Variants in DDX60L observed in about 807,000 individuals in gnomAD.
DDX60L encodes probable ATP-dependent RNA helicase DDX60-like.
DDX60L carries 191 observed loss-of-function variants against 211.6 expected under a neutral mutation model. The observed-to-expected ratio is 0.90, with a 90% CI of 0.80 to 1.02. The LOEUF is 1.02. Ranked by LOEUF, DDX60L falls within the 50% of genes least tolerant of loss-of-function variation. The pLI is 0.00. For missense variants in DDX60L, 2,007 were observed against 1,984.1 expected, an observed-to-expected ratio of 1.01 and a Z score of -0.22; for synonymous variants, 706 against 694.1, an observed-to-expected ratio of 1.02 and a Z score of -0.27.
At chr4:168,413,067 A>G (rs542283332) in intron 22 of DDX60L, among the ~76,000 whole-genome samples, 1 of 152,350 alleles carries the variant, frequency 6.6e-6, no homozygotes, top group African/African-American at 2.4e-5. Context: ...CTCAAGGACA[A>G]GTACAAATAA....
At chr4:168,417,963 G>A (rs1316870310) in intron 19 of DDX60L, among the ~76,000 whole-genome samples, 1 of 152,118 alleles carries the variant, frequency 6.6e-6, no homozygotes. Flanking sequence ...CTTATATTTT[G>A]TATCAGCAGG....
chr4:168,398,453 G>A (rs778461324), intron 26 of DDX60L, among the ~76,000 whole-genome samples: 9 of 152,222 alleles, frequency 5.9e-5, no homozygotes, highest in Admixed American at 1.3e-4. Context: ...GCCTGCAGGC[G>A]GCCCTTTGGC....
chr4:168,449,772 AGAATAAAAATAAAATAAACATGT>A (rs1417367268), intron 8 of DDX60L, among the ~76,000 whole-genome samples: 36 of 149,360 alleles, frequency 2.4e-4, no homozygotes, highest in Non-Finnish European at 4.4e-4. Flanking sequence ...TAATGAAAAT[AGAATAAAAATAAAATAAACATGT>A]GGGTAAAAAT....
rs148654257 is a variant in DDX60L, at chr4:168,437,782, C to A, written c.1294+3555G>T. Among the ~76,000 whole-genome samples the A allele has an allele frequency of 6.5e-3, 990 of 152,272 alleles. 12 individuals are homozygous for A. The highest frequency in any genetic ancestry group is 0.02 in the African/African-American group (820 of 41,550). Reference sequence around the variant, plus strand: ...AGTATACCGTGGCTTGCTCTGATAACCTGACTCTGGCAGAACATCACATGA... The same window carrying A: ...AGTATACCGTGGCTTGCTCTGATAAACTGACTCTGGCAGAACATCACATGA... On this transcript the variant is annotated intron_variant, in intron 10 of 37. Coordinates refer to ENST00000682922, the MANE Select transcript of DDX60L (RefSeq NM_001012967.3).
At chr4:168,465,405 T>C (rs1051397323) in intron 4 of DDX60L, among the ~76,000 whole-genome samples, 2 of 152,286 alleles carry the variant, frequency 1.3e-5, no homozygotes, top group East Asian at 3.9e-4. Context: ...TAATTCCTTG[T>C]AGGATAAATA....
chr4:168,366,689 A>G (rs2149609811), intron 36 of DDX60L, among the ~76,000 whole-genome samples: 1 of 152,250 alleles, frequency 6.6e-6, no homozygotes, highest in African/African-American at 2.4e-5. Context: ...TCCTCAGCAA[A>G]AAGAATGCAG....
chr4:168,448,722 G>T lies in DDX60L; in HGVS notation c.1054C>A (p.Leu352Met). The T allele has an allele frequency of 6.2e-7, 1 of 1,606,712 alleles. No individual in the cohort carries two copies. The highest frequency in any genetic ancestry group is 8.5e-7 in the Non-Finnish European group (1 of 1,174,458). Reference sequence around the variant, plus strand: ...AAGTCAGAAACATGATTTAAATTCAGATTCCAGCATCCAAAAACGTTTAAG... The same window carrying T: ...AAGTCAGAAACATGATTTAAATTCATATTCCAGCATCCAAAAACGTTTAAG... ...SNLNVFGCWN[L>M]NLNHVSDLYD... is the part of the protein sequence containing the mutation. Residue 352 changes from leucine to methionine, a missense_variant, in exon 9 of 38, where the codon CTG becomes ATG. Leu to Met is a conservative substitution (Grantham distance 15). Coordinates refer to ENST00000682922, the MANE Select transcript of DDX60L (RefSeq NM_001012967.3).
At position 168,438,743 on chromosome 4, in the gene DDX60L, G is replaced by A. The variant is rs936142513; in HGVS notation, c.1294+2594C>T. ...ACCATGACCAGCTTAGGTGCTTGCT[G>A]GGTGCAAAGGGTTTAGGGAATAGGT... On this transcript the variant is annotated intron_variant, in intron 10 of 37. Transcript: ENST00000682922. Among the ~76,000 whole-genome samples the A allele has an allele frequency of 5.3e-5, 8 of 152,202 alleles. No homozygotes were observed. In the East Asian group the frequency reaches 9.6e-4, roughly 18 times the overall value.
chr4:168,476,049 G>A (rs1295744243), intron 1 of DDX60L: 1 of 151,976 alleles, frequency 6.6e-6, no homozygotes, highest in African/African-American at 2.4e-5. Context: ...ACAGCCTCCA[G>A]AATAGTGAGA....
chr4:168,382,857 C>T (rs1328614859), intron 30 of DDX60L, among the ~76,000 whole-genome samples: 1 of 151,798 alleles, frequency 6.6e-6, no homozygotes, highest in Non-Finnish European at 1.5e-5. Context: ...AACACTAAAG[C>T]AAAACAAAAA....
chr4:168,441,104 G>C (rs776657679), intron 10 of DDX60L, among the ~76,000 whole-genome samples: 2 of 152,058 alleles, frequency 1.3e-5, no homozygotes, highest in African/African-American at 2.4e-5. Context: ...TCTTGATCCA[G>C]GTGGTTATCA....
rs938313148 is a variant in DDX60L, at chr4:168,378,527, A to C, written c.4364-52T>G. 3.0e-6 allele frequency: 4 copies of C among 1,339,946 alleles called. No individual in the cohort carries two copies. In the African/African-American group the frequency reaches 6.0e-5, roughly 20 times the overall value. 83.0% of individuals were successfully genotyped at this position (1,339,946 alleles called of 1,614,324 possible). On this transcript the variant is annotated intron_variant, in intron 32 of 37. Coordinates refer to ENST00000682922, the MANE Select transcript of DDX60L (RefSeq NM_001012967.3). The stretch of plus-strand genomic sequence containing the variant: ...AATAAGAATAATGTTGATTCCATTT[A>C]TTTTCTGCCTAAATTTGTTTTTATA...
intron 34 of DDX60L, 60 bp downstream of exon 34, chr4:168,375,317 T>A (rs998784610): frequency 5.2e-6 from 8 of 1,548,114 alleles, no homozygotes; most frequent in African/African-American, 2.7e-5. Context: ...TCCAGAGGCT[T>A]TCTTAACCAA....
intron 19 of DDX60L, among the ~76,000 whole-genome samples, chr4:168,417,834 G>A (rs1346172577): frequency 3.3e-5 from 5 of 152,008 alleles, no homozygotes; most frequent in African/African-American, 1.2e-4. Context: ...GTGACAATTG[G>A]GTCTCAGCTG....
intron 22 of DDX60L, among the ~76,000 whole-genome samples, chr4:168,409,068 T>C (rs1432504640): frequency 1.3e-5 from 2 of 152,230 alleles, no homozygotes; most frequent in African/African-American, 4.8e-5. Flanking sequence ...GTCATTGCTA[T>C]CTTAGGAGCA....
At chr4:168,459,692 G>C (rs973513801) in intron 5 of DDX60L, among the ~76,000 whole-genome samples, 2 of 151,258 alleles carry the variant, frequency 1.3e-5, no homozygotes, top group East Asian at 3.9e-4. Context: ...GGAGGCGGAG[G>C]TTGCAGTGAG....
Position 168,430,661 on chromosome 4 carries a change from G to A in DDX60L, c.1517-23C>T, listed in dbSNP as rs1752204135. On this transcript the variant is annotated intron_variant, in intron 12 of 37. Transcript: ENST00000682922. ...GTTCTGAAATAGAAAGACTTAAAAT[G>A]TAAACATGTATTTTAAAATATTGCT... 3.4e-6 allele frequency: 5 copies of A among 1,473,120 alleles called. No individual in the cohort carries two copies. In the African/African-American group the frequency reaches 4.3e-5, roughly 13 times the overall value. The allele number at this position is 1,473,120 out of a possible 1,614,324, so 91.3% of individuals were successfully genotyped here.
chr4:168,471,128 C>T (rs1229047579), intron 4 of DDX60L, among the ~76,000 whole-genome samples: 1 of 151,980 alleles, frequency 6.6e-6, no homozygotes, highest in Non-Finnish European at 1.5e-5. Context: ...ATTTTACCAT[C>T]AAAAAAACCT....
chr4:168,370,156 T>C (rs192678708), intron 36 of DDX60L, among the ~76,000 whole-genome samples: 1 of 152,244 alleles, frequency 6.6e-6, no homozygotes, highest in East Asian at 1.9e-4. Flanking sequence ...ATAGCTATGA[T>C]ATGGAATCAA....
Sources: allele counts gnomAD v4.1 joint callset (sites outside exome capture counted in the v4.1 genomes callset), GRCh38; gene constraint gnomAD v4.1.1; transcripts MANE v1.5; gene names NCBI Gene and HGNC (gene_info 2026-07-23, HGNC 2026-07-21).